PDZRN3: variants seen among roughly 807,000 people sequenced by gnomAD.
PDZRN3 encodes the protein PDZ domain containing ring finger 3.
In PDZRN3, 38 loss-of-function variants were observed where a neutral mutation model predicts 85.7. The ratio of observed to expected loss-of-function variants is 0.44; its 90% confidence interval spans 0.34 to 0.58. PDZRN3 has a LOEUF of 0.58. Among genes scored for constraint, PDZRN3 ranks in the 20% least tolerant of loss-of-function variants. The pLI is 0.01. For synonymous variants in PDZRN3, 759 were observed against 638.0 expected (o/e 1.19, Z -2.86); for missense variants, 1,629 against 1,506.4 (o/e 1.08, Z -1.35).
rs1413870636 is a variant in PDZRN3 at position 73,384,311 on chromosome 3, T to C, written c.2255A>G (p.Lys752Arg). 1.2e-6 allele frequency: 2 copies of C among 1,612,416 alleles called. No individual in the cohort carries two copies. The highest frequency in any genetic ancestry group is 2.7e-5 in the African/African-American group (2 of 75,068). Residue 752 changes from lysine to arginine, a missense_variant, in exon 10 of 10, where the codon AAG (lysine) becomes AGG (arginine). Lys to Arg is a conservative substitution (Grantham distance 26). Coordinates refer to ENST00000263666, the MANE Select transcript of PDZRN3 (RefSeq NM_015009.3). ...TGTGTTGTAGGCGCTCGAGCTGTCCTTGTCGGATTTCTCCGGGAGCTCGGT... is the reference window on the plus strand; with the variant it reads ...TGTGTTGTAGGCGCTCGAGCTGTCCCTGTCGGATTTCTCCGGGAGCTCGGT... The part of the protein sequence containing the change: ...DITELPEKSD[K>R]DSSSAYNTGE...
chr3:73,486,759 T>C (rs1575685257), intron 3 of PDZRN3, among the ~76,000 whole-genome samples: 1 of 152,342 alleles, frequency 6.6e-6, no homozygotes, highest in East Asian at 1.9e-4. Context: ...TTTGTGATTA[T>C]TTGCAAAGCT....
chr3:73,624,267 CCTT>C lies in PDZRN3; in HGVS notation c.556_558del (p.Lys186del). On this transcript the variant is annotated inframe_deletion, in exon 1 of 10. Coordinates refer to ENST00000263666, the MANE Select transcript of PDZRN3 (RefSeq NM_015009.3). ...TCGCGCTTCCCAGCGCGCAGCGCCT[CCTT>C]CTTGAGCGCCTTGTGCAGCGCGCCC... is the stretch of plus-strand genomic sequence containing the variant. The C allele has an allele frequency of 7.0e-7, 1 of 1,424,444 alleles. No individual in the cohort carries two copies. Among genetic ancestry groups the C allele is most frequent in the Admixed American group, 3.0e-5 (1 of 33,836 alleles). The allele number at this position is 1,424,444 out of a possible 1,614,324, so 88.2% of individuals were successfully genotyped here.
At chr3:73,577,746 C>T (rs926171542) in intron 3 of PDZRN3, among the ~76,000 whole-genome samples, 1 of 151,622 alleles carries the variant, frequency 6.6e-6, no homozygotes, top group Non-Finnish European at 1.5e-5. Flanking sequence ...GTACCTCCTT[C>T]CACTCCTGCC....
intron 3 of PDZRN3, among the ~76,000 whole-genome samples, chr3:73,520,282 G>A (rs6549550): frequency 0.98 from 149,068 of 152,224 alleles, 73,080 homozygotes; most frequent in East Asian, 1. Context: ...AGGTGGGAGG[G>A]CTGTTTGATC....
intron 3 of PDZRN3, among the ~76,000 whole-genome samples, chr3:73,459,167 C>T (rs1004864885): frequency 6.6e-6 from 1 of 151,938 alleles, no homozygotes; most frequent in African/African-American, 2.4e-5. Context: ...GCTTATAAAA[C>T]CATCAGATCT....
At chr3:73,392,064 G>C (rs190653686) in intron 5 of PDZRN3, among the ~76,000 whole-genome samples, 1 of 152,358 alleles carries the variant, frequency 6.6e-6, no homozygotes, top group African/African-American at 2.4e-5. Flanking sequence ...CGGGGAAGGA[G>C]AATGCAGCTG....
At chr3:73,480,441 C>G (rs867279531) in intron 3 of PDZRN3, among the ~76,000 whole-genome samples, 2 of 152,304 alleles carry the variant, frequency 1.3e-5, no homozygotes, top group Middle Eastern at 6.8e-3. Flanking sequence ...ACATAAGTCT[C>G]TCGGCTTGGG....
chr3:73,412,753 C>T (rs1701998678), intron 3 of PDZRN3, among the ~76,000 whole-genome samples: 1 of 152,204 alleles, frequency 6.6e-6, no homozygotes, highest in Non-Finnish European at 1.5e-5. Flanking sequence ...TTAGGCTCTG[C>T]ATAGAAAGTA....
chr3:73,539,150 A>C (rs1431475602), intron 3 of PDZRN3, among the ~76,000 whole-genome samples: 2 of 152,132 alleles, frequency 1.3e-5, no homozygotes, highest in Non-Finnish European at 2.9e-5. Context: ...CTCTACAAAT[A>C]TAACTTAAAG....
chr3:73,476,731 G>C (rs1703459136), intron 3 of PDZRN3, among the ~76,000 whole-genome samples: 2 of 152,170 alleles, frequency 1.3e-5, no homozygotes, highest in Non-Finnish European at 2.9e-5. Flanking sequence ...ATCCCTTTTG[G>C]AAAGACCTAT....
intron 3 of PDZRN3, among the ~76,000 whole-genome samples, chr3:73,545,889 G>A (rs923525030): frequency 6.6e-6 from 1 of 152,120 alleles, no homozygotes; most frequent in African/African-American, 2.4e-5. Context: ...GGGGTTGGTG[G>A]GAGGTGAGGG....
intron 3 of PDZRN3, among the ~76,000 whole-genome samples, chr3:73,538,130 C>T (rs79591707): frequency 0.033 from 5,062 of 152,268 alleles, 262 homozygotes; most frequent in African/African-American, 0.11. Context: ...TTTCCCAGGC[C>T]TGGGCCATTA....
intron 3 of PDZRN3, among the ~76,000 whole-genome samples, chr3:73,431,897 T>G (rs1702438578): frequency 6.6e-6 from 1 of 152,088 alleles, no homozygotes; most frequent in African/African-American, 2.4e-5. Flanking sequence ...GCACAAATGA[T>G]ACAGAAGAAT....
intron 3 of PDZRN3, among the ~76,000 whole-genome samples, chr3:73,461,832 T>A (rs184721707): frequency 6.6e-6 from 1 of 152,172 alleles, no homozygotes; most frequent in East Asian, 1.9e-4. Flanking sequence ...AGAGAAAGGG[T>A]CATGATTCAC....
At chr3:73,472,032 A>G (rs895810485) in intron 3 of PDZRN3, among the ~76,000 whole-genome samples, 14 of 149,272 alleles carry the variant, frequency 9.4e-5, no homozygotes, top group Admixed American at 3.3e-4. Context: ...CTGAAGTGCC[A>G]TGCTGATTTA....
At chr3:73,461,362 T>C (rs144527527) in intron 3 of PDZRN3, among the ~76,000 whole-genome samples, 44 of 152,358 alleles carry the variant, frequency 2.9e-4, no homozygotes, top group African/African-American at 9.6e-4. Flanking sequence ...AAACATGGAA[T>C]GTGCAGCATG....
intron 3 of PDZRN3, among the ~76,000 whole-genome samples, chr3:73,538,730 C>T (rs966023331): frequency 6.6e-6 from 1 of 152,078 alleles, no homozygotes; most frequent in African/African-American, 2.4e-5. Context: ...CTGCATAGAA[C>T]ATTTGATTGT....
chr3:73,433,972 C>G, intron 3 of PDZRN3: 1 of 1,304,982 alleles, frequency 7.7e-7, no homozygotes, highest in Admixed American at 3.4e-5. Context: ...ACACCACTCC[C>G]TCCTCTGAGT....
intron 4 of PDZRN3, among the ~76,000 whole-genome samples, 198 bp downstream of exon 4, chr3:73,403,950 G>T (rs550492290): frequency 1.7e-4 from 26 of 152,242 alleles, no homozygotes; most frequent in African/African-American, 6.0e-4. Flanking sequence ...CCGCTCCAGG[G>T]TTATAATAAA....
Sources: gnomAD v4.1 joint callset for allele counts (sites outside exome capture counted in the v4.1 genomes callset) on GRCh38, gnomAD v4.1.1 for gene constraint, MANE v1.5 for transcripts, NCBI Gene and HGNC (gene_info 2026-07-23, HGNC 2026-07-21) for gene names.